The following RAB3GAP1 variants were observed in gnomAD, a reference collection of about 807,000 sequenced individuals.
RAB3GAP1 encodes rab3 GTPase-activating protein catalytic subunit.
Under a neutral mutation model 130.7 loss-of-function variants are expected in RAB3GAP1, and 86 were observed. The observed-to-expected ratio is 0.66, with a 90% confidence interval of 0.55 to 0.79. RAB3GAP1 has a LOEUF of 0.79. RAB3GAP1 is among the 30% of genes least tolerant of loss of function. The pLI is 0.00. For synonymous variants in RAB3GAP1, 367 were observed against 401.7 expected (o/e 0.91, Z 1.03); for missense variants, 1,029 against 1,169.4 (o/e 0.88, Z 1.75).
At chr2:135,124,465 A>G (rs1407237864) in intron 9 of RAB3GAP1, among the ~76,000 whole-genome samples, 1 of 152,186 alleles carries the variant, frequency 6.6e-6, no homozygotes, top group East Asian at 1.9e-4. Context: ...GGAGTTCGAG[A>G]ACAGCCTGAC....
At chr2:135,107,632 G>A (rs1024369785) in intron 5 of RAB3GAP1, among the ~76,000 whole-genome samples, 2 of 151,996 alleles carry the variant, frequency 1.3e-5, no homozygotes, top group African/African-American at 4.8e-5. Flanking sequence ...TTTTTAAAGA[G>A]GTCCTTAATC....
At chr2:135,163,711 A>G (rs1692539817) in intron 22 of RAB3GAP1, among the ~76,000 whole-genome samples, 1 of 152,228 alleles carries the variant, frequency 6.6e-6, no homozygotes, top group African/African-American at 2.4e-5. Context: ...GAAGGACAAT[A>G]TTGTTTTAAT....
Position 135,130,718 on chromosome 2 carries a change from C to T in RAB3GAP1, c.1233C>T (p.Leu411=), listed in dbSNP as rs755867265. 4 of 1,610,430 alleles carry T rather than the reference C, an allele frequency of 2.5e-6. No individual in the cohort carries two copies. In the South Asian group the frequency reaches 3.3e-5, roughly 13 times the overall value. Residue 411 remains leucine (L), a synonymous_variant, in exon 13 of 24, where the codon CTC becomes CTT. Coordinates refer to ENST00000264158, the MANE Select transcript of RAB3GAP1 (RefSeq NM_012233.3). ...ATAATGATGTTCTTAATACTATTCT[C>T]CTGGTAACTAAATGTTCTGTCTTTA... ...PLNNDVLNTI[L]LFLFPDAVSE... is the part of the protein sequence containing the mutation.
chr2:135,123,481 T>A (rs1038570383), intron 8 of RAB3GAP1, among the ~76,000 whole-genome samples: 1 of 152,216 alleles, frequency 6.6e-6, no homozygotes, highest in African/African-American at 2.4e-5. Context: ...CTCAGTAGGC[T>A]TTAATTTCAG....
At chr2:135,136,655 T>G (rs1691687017) in intron 17 of RAB3GAP1, 1 of 1,193,610 alleles carries the variant, frequency 8.4e-7, no homozygotes, top group African/African-American at 1.6e-5. Context: ...TTGTTTAACT[T>G]GTGGACAAAG....
chr2:135,054,544 T>A (rs1447529371), intron 2 of RAB3GAP1, among the ~76,000 whole-genome samples: 1 of 152,222 alleles, frequency 6.6e-6, no homozygotes, highest in African/African-American at 2.4e-5. Flanking sequence ...ATGTGAACTG[T>A]AGTTTTTTGC....
At chr2:135,092,276 A>G (rs1373205271) in intron 4 of RAB3GAP1, among the ~76,000 whole-genome samples, 1 of 152,192 alleles carries the variant, frequency 6.6e-6, no homozygotes, top group African/African-American at 2.4e-5. Context: ...CGTTCTGCCA[A>G]TTAATGAAGG....
intron 19 of RAB3GAP1, among the ~76,000 whole-genome samples, chr2:135,159,905 G>A (rs771918803): frequency 5.3e-5 from 8 of 152,200 alleles, no homozygotes; most frequent in Non-Finnish European, 1.5e-5. Flanking sequence ...ATGTTGCGTC[G>A]TTCCATTTAT....
At chr2:135,175,025 TTTC>T (rs1692969681), downstream of RAB3GAP1, among the ~76,000 whole-genome samples, 1 of 152,334 alleles carries the variant, frequency 6.6e-6, no homozygotes, top group Admixed American at 6.5e-5. Context: ...CTTCATTGAT[TTTC>T]TTGACTCCTG....
At chr2:135,087,121 A>T (rs1275292979) in intron 3 of RAB3GAP1, among the ~76,000 whole-genome samples, 5 of 152,136 alleles carry the variant, frequency 3.3e-5, no homozygotes, top group Admixed American at 6.5e-5. Context: ...AGATATTCTC[A>T]TGTTTTCTTC....
intron 17 of RAB3GAP1, among the ~76,000 whole-genome samples, chr2:135,149,159 C>T (rs537650097): frequency 6.6e-6 from 1 of 152,104 alleles, no homozygotes; most frequent in Non-Finnish European, 1.5e-5. Flanking sequence ...CCTTCCTTCC[C>T]ATCCTGTGAT....
At chr2:135,056,719 A>G (rs1052533252) in intron 2 of RAB3GAP1, among the ~76,000 whole-genome samples, 1 of 152,200 alleles carries the variant, frequency 6.6e-6, no homozygotes, top group South Asian at 2.1e-4. Context: ...TTTCTAGAGC[A>G]CTGATTTTCA....
At chr2:135,131,892 A>G (rs1285479065) in intron 13 of RAB3GAP1, among the ~76,000 whole-genome samples, 1 of 152,236 alleles carries the variant, frequency 6.6e-6, no homozygotes, top group Non-Finnish European at 1.5e-5. Flanking sequence ...CATTAAGACA[A>G]TCTTGGGAAA....
chr2:135,172,428 C>CT (rs1305857837), downstream of RAB3GAP1, among the ~76,000 whole-genome samples: 1 of 144,740 alleles, frequency 6.9e-6, no homozygotes, highest in Non-Finnish European at 1.5e-5. Flanking sequence ...GAGTGAGACT[C>CT]TGTCTCAAAA....
At chr2:135,085,912 G>A (rs1445793064) in intron 3 of RAB3GAP1, among the ~76,000 whole-genome samples, 1 of 152,128 alleles carries the variant, frequency 6.6e-6, no homozygotes, top group Non-Finnish European at 1.5e-5. Flanking sequence ...ATCCCAGAAA[G>A]ATTGCTTGTT....
chr2:135,082,161 G>GAATGAATGAATGAATGAATA (rs138937070), intron 3 of RAB3GAP1, among the ~76,000 whole-genome samples: 4,551 of 150,248 alleles, frequency 0.03, 165 homozygotes, highest in African/African-American at 0.077. Flanking sequence ...ATGAATGAAT[G>GAATGAATGAATGAATGAATA]AATAAATAAA....
chr2:135,081,930 C>G (rs552001578), intron 3 of RAB3GAP1, among the ~76,000 whole-genome samples: 1 of 152,090 alleles, frequency 6.6e-6, no homozygotes, highest in Admixed American at 6.5e-5. Context: ...CACTTGAGAT[C>G]AGGAGTTTAA....
rs200869351 is a variant in RAB3GAP1 at position 135,169,974 on chromosome 2, TAAAAAAAA to T, written c.*1201_*1208del. On this transcript the variant is annotated 3_prime_UTR_variant, in exon 24 of 24. Transcript: ENST00000264158. ...AGCTGTGCAAACCCTGTTATTTTTG[TAAAAAAAA>T]AAAAAAATACATATCTATATATAAT... 4.7e-6 allele frequency: 1 copy of T among 211,360 alleles called. No homozygotes were observed. Among genetic ancestry groups the T allele is most frequent in the African/African-American group, 2.5e-5 (1 of 40,568 alleles). 13.1% of individuals were successfully genotyped at this position (211,360 alleles called of 1,614,324 possible). A position where few individuals can be genotyped will look rare whatever the true frequency, so the allele number is the denominator to read the frequency against.
At chr2:135,136,873 C>A in intron 17 of RAB3GAP1, 1 of 316,168 alleles carries the variant, frequency 3.2e-6, no homozygotes, top group Non-Finnish European at 5.6e-6. Context: ...TTGCTTGAAG[C>A]CAGGAGTTCA....
Sources: allele counts gnomAD v4.1 joint callset (sites outside exome capture counted in the v4.1 genomes callset), GRCh38; gene constraint gnomAD v4.1.1; transcripts MANE v1.5; gene names NCBI Gene and HGNC (gene_info 2026-07-23, HGNC 2026-07-21).